The following FAM135A variants were observed in gnomAD, a reference collection of about 807,000 sequenced individuals.
The protein encoded by FAM135A is protein FAM135A.
FAM135A carries 79 observed loss-of-function variants against 146.8 expected under a neutral mutation model. That is an observed-to-expected ratio of 0.54 (90% CI 0.45 to 0.65). The LOEUF (loss-of-function observed/expected upper bound fraction) is 0.65, where lower values mean the gene tolerates loss of function less well. Ranked by LOEUF, FAM135A falls within the 30% of genes least tolerant of loss-of-function variation. FAM135A has a pLI of 0.00. For synonymous variants in FAM135A, 562 were observed against 603.6 expected (o/e 0.93, Z 1.01); for missense variants, 1,623 against 1,758.2 (o/e 0.92, Z 1.38).
chr6:70,425,092 A>C (rs1581999897), intron 2 of FAM135A, among the ~76,000 whole-genome samples: 1 of 148,652 alleles, frequency 6.7e-6, no homozygotes, highest in East Asian at 1.9e-4. Flanking sequence ...TATTCTATAT[A>C]TCTAATATAT....
chr6:70,460,990 A>G (rs1466015801), intron 5 of FAM135A, among the ~76,000 whole-genome samples: 2 of 151,644 alleles, frequency 1.3e-5, no homozygotes, highest in East Asian at 1.9e-4. Context: ...CGCCTGACTG[A>G]TTTTTGTATT....
At chr6:70,438,173 A>G (rs1186784359) in intron 4 of FAM135A, among the ~76,000 whole-genome samples, 5 of 152,222 alleles carry the variant, frequency 3.3e-5, no homozygotes, top group Non-Finnish European at 7.4e-5. Context: ...TCTGACTATA[A>G]AACTCATAAA....
At chr6:70,507,131 A>G (rs1337824554) in intron 12 of FAM135A, among the ~76,000 whole-genome samples, 1 of 152,140 alleles carries the variant, frequency 6.6e-6, no homozygotes, top group African/African-American at 2.4e-5. Context: ...ATACCAAGAT[A>G]GGGCCTATTT....
At chr6:70,484,692 T>C (rs907965802) in intron 10 of FAM135A, among the ~76,000 whole-genome samples, 1 of 152,222 alleles carries the variant, frequency 6.6e-6, no homozygotes, top group Non-Finnish European at 1.5e-5. Context: ...TATGAGAATC[T>C]AATGCCGCTG....
At chr6:70,448,374 C>T (rs1019770114) in intron 4 of FAM135A, among the ~76,000 whole-genome samples, 5 of 152,172 alleles carry the variant, frequency 3.3e-5, no homozygotes, top group East Asian at 1.9e-4. Flanking sequence ...CAAGGTGGAA[C>T]GAACCAGAGC....
intron 10 of FAM135A, among the ~76,000 whole-genome samples, chr6:70,490,434 A>G (rs1785647145): frequency 6.6e-6 from 1 of 152,056 alleles, no homozygotes; most frequent in Admixed American, 6.6e-5. Context: ...GCACCTCTTT[A>G]TAGATTATTA....
chr6:70,486,859 G>A (rs186397799), intron 10 of FAM135A, among the ~76,000 whole-genome samples: 1 of 151,694 alleles, frequency 6.6e-6, no homozygotes, highest in East Asian at 1.9e-4. Context: ...CCTGGGCAGT[G>A]GAGATTGCAG....
intron 20 of FAM135A, among the ~76,000 whole-genome samples, chr6:70,539,780 G>A (rs534687236): frequency 6.6e-6 from 1 of 152,226 alleles, no homozygotes; most frequent in East Asian, 1.9e-4. Flanking sequence ...CGGATCACGA[G>A]GTCAGGAGAT....
At chr6:70,540,114 C>G (rs929535873) in intron 20 of FAM135A, among the ~76,000 whole-genome samples, 8 of 152,082 alleles carry the variant, frequency 5.3e-5, no homozygotes, top group Non-Finnish European at 8.8e-5. Flanking sequence ...ATGAGTCAAC[C>G]CTTTAGATAA....
At chr6:70,498,725 C>T (rs894763833) in intron 11 of FAM135A, among the ~76,000 whole-genome samples, 4 of 152,148 alleles carry the variant, frequency 2.6e-5, no homozygotes, top group African/African-American at 4.8e-5. Context: ...GCCTTAATTT[C>T]GTTGTTTACC....
chr6:70,464,038 CAG>C (rs1300691860), intron 5 of FAM135A, among the ~76,000 whole-genome samples: 4 of 148,702 alleles, frequency 2.7e-5, no homozygotes, highest in Non-Finnish European at 3.0e-5. Flanking sequence ...TGAAAGTGGG[CAG>C]AGTTCTTACT....
intron 11 of FAM135A, among the ~76,000 whole-genome samples, chr6:70,492,997 AC>A (rs1786372825): frequency 1.3e-5 from 2 of 152,092 alleles, no homozygotes; most frequent in South Asian, 4.1e-4. Flanking sequence ...AATCTGTTCT[AC>A]AAAAATACTC....
At chr6:70,448,935 A>G (rs567421565) in intron 4 of FAM135A, among the ~76,000 whole-genome samples, 16 of 152,290 alleles carry the variant, frequency 1.1e-4, no homozygotes, top group African/African-American at 3.4e-4. Flanking sequence ...TGGTAAACCC[A>G]CAACCTTCCA....
intron 4 of FAM135A, among the ~76,000 whole-genome samples, chr6:70,438,767 C>A (rs1032307376): frequency 6.6e-6 from 1 of 152,180 alleles, no homozygotes; most frequent in East Asian, 1.9e-4. Context: ...AATGAATTAT[C>A]TGTGACGTTG....
At chr6:70,527,656 G>C (rs1795019562) in intron 15 of FAM135A, among the ~76,000 whole-genome samples, 1 of 152,094 alleles carries the variant, frequency 6.6e-6, no homozygotes, top group Non-Finnish European at 1.5e-5. Context: ...CAGTCCAAAT[G>C]ATGTATGTTA....
At chr6:70,470,596 A>T (rs2128135180) in intron 5 of FAM135A, among the ~76,000 whole-genome samples, 1 of 152,310 alleles carries the variant, frequency 6.6e-6, no homozygotes, top group East Asian at 1.9e-4. Context: ...ACCTCAAGTG[A>T]TCTGCCCGCC....
At chr6:70,538,509 G>T (rs981674612) in intron 20 of FAM135A, 108 bp downstream of exon 20, 4 of 546,610 alleles carry the variant, frequency 7.3e-6, no homozygotes, top group Non-Finnish European at 1.2e-5. Flanking sequence ...AAAAAAAAGT[G>T]TCATTCTACT....
At position 70,560,251 on chromosome 6, in the gene FAM135A, A is replaced by G; in HGVS notation, c.*330A>G. ...CTTTCCACAATTCTTACATCAGACT[A>G]CATTATATTAGAGACCATTATTGCT... On this transcript the variant is annotated 3_prime_UTR_variant, in exon 22 of 22. Transcript: ENST00000418814. The G allele has an allele frequency of 4.9e-6, 1 of 202,602 alleles. No homozygotes were observed. Among genetic ancestry groups the G allele is most frequent in the Middle Eastern group, 2.0e-3 (1 of 488 alleles). 12.6% of individuals were successfully genotyped at this position (202,602 alleles called of 1,614,324 possible). A position where few individuals can be genotyped will look rare whatever the true frequency, so the allele number is the denominator to read the frequency against.
At chr6:70,473,372 T>G (rs1781979938) in intron 5 of FAM135A, among the ~76,000 whole-genome samples, 1 of 152,190 alleles carries the variant, frequency 6.6e-6, no homozygotes, top group African/African-American at 2.4e-5. Context: ...ACAAAGATAG[T>G]AAGTACATTA....
Sources: gnomAD v4.1 joint callset for allele counts (sites outside exome capture counted in the v4.1 genomes callset) on GRCh38, gnomAD v4.1.1 for gene constraint, MANE v1.5 for transcripts, NCBI Gene and HGNC (gene_info 2026-07-23, HGNC 2026-07-21) for gene names.